Variants in OMA1 observed in about 807,000 individuals in gnomAD.
The protein encoded by OMA1 is OMA1 zinc metallopeptidase, also known as metalloendopeptidase OMA1, mitochondrial.
Under a neutral mutation model 30.9 loss-of-function variants are expected in OMA1, and 38 were observed. That is an observed-to-expected ratio of 1.23 (90% CI 0.95 to 1.61). OMA1 has a LOEUF of 1.61. Among genes scored for constraint, OMA1 ranks in the 40% most tolerant of loss-of-function variants. OMA1 has a pLI of 0.00. For synonymous variants in OMA1, 173 were observed against 121.9 expected, an observed-to-expected ratio of 1.42 and a Z score of -2.76; for missense variants, 461 against 349.2, an observed-to-expected ratio of 1.32 and a Z score of -2.55.
intron 7 of OMA1, among the ~76,000 whole-genome samples, chr1:58,507,715 G>A (rs1190826341): frequency 6.6e-6 from 1 of 152,026 alleles, no homozygotes; most frequent in African/African-American, 2.4e-5. Flanking sequence ...AAATATGTAT[G>A]TAACATATGT....
intron 7 of OMA1, among the ~76,000 whole-genome samples, chr1:58,507,397 T>A (rs552620095): frequency 6.6e-6 from 1 of 152,062 alleles, no homozygotes; most frequent in African/African-American, 2.4e-5. Context: ...TCAACAACCA[T>A]GCTACATCAT....
At chr1:58,537,445 A>T (rs1461668350) in intron 2 of OMA1, among the ~76,000 whole-genome samples, 1 of 152,204 alleles carries the variant, frequency 6.6e-6, no homozygotes, top group Non-Finnish European at 1.5e-5. Context: ...TTACAACGTG[A>T]AAAAGGAGAG....
intron 8 of OMA1, among the ~76,000 whole-genome samples, chr1:58,492,006 T>C (rs1275553307): frequency 3.9e-5 from 6 of 152,114 alleles, no homozygotes; most frequent in African/African-American, 7.2e-5. Flanking sequence ...ATTGACCACA[T>C]AGTTGGAAGT....
chr1:58,494,213 A>G (rs1178414459), intron 8 of OMA1, among the ~76,000 whole-genome samples: 4 of 152,240 alleles, frequency 2.6e-5, no homozygotes, highest in Non-Finnish European at 5.9e-5. Context: ...CTGGCTAGCC[A>G]TATGGAGAAA....
intron 7 of OMA1, among the ~76,000 whole-genome samples, chr1:58,511,043 A>G (rs139276088): frequency 0.01 from 1,593 of 152,300 alleles, 10 homozygotes; most frequent in Non-Finnish European, 0.017. Flanking sequence ...TAAAATATCC[A>G]TACCACCCAA....
chr1:58,486,444 A>G (rs758475961), intron 8 of OMA1, among the ~76,000 whole-genome samples: 26 of 152,158 alleles, frequency 1.7e-4, no homozygotes, highest in Admixed American at 5.2e-4. Flanking sequence ...AAATTTCTAT[A>G]AGGGAGTGGA....
At position 58,523,546 on chromosome 1, in the gene OMA1, G is replaced by C. The variant is rs372418763; in HGVS notation, c.1215+3715C>G. Among the ~76,000 whole-genome samples, 7 of 152,244 alleles carry C rather than the reference G, an allele frequency of 4.6e-5. No homozygotes were observed. In the East Asian group the frequency reaches 1.4e-3, roughly 29 times the overall value. ...TTGGGGGCAAGTAGACCATTTGGAC[G>C]CCTTCAGTGTTGAACTCATGGGGTT... On this transcript the variant is annotated intron_variant, in intron 7 of 8. Coordinates refer to ENST00000371226, the MANE Select transcript of OMA1 (RefSeq NM_145243.5).
chr1:58,532,122 T>C (rs183643699), intron 5 of OMA1, among the ~76,000 whole-genome samples: 2 of 152,294 alleles, frequency 1.3e-5, no homozygotes, highest in East Asian at 3.9e-4. Flanking sequence ...CTTAGAAAAC[T>C]GGAAATACAC....
At chr1:58,500,358 G>A (rs1475466914) in intron 8 of OMA1, among the ~76,000 whole-genome samples, 4 of 152,054 alleles carry the variant, frequency 2.6e-5, no homozygotes, top group Non-Finnish European at 5.9e-5. Context: ...GTGTACACTG[G>A]CCAACAACGA....
chr1:58,492,736 G>T (rs377015145), intron 8 of OMA1, among the ~76,000 whole-genome samples: 208 of 152,176 alleles, frequency 1.4e-3, no homozygotes, highest in African/African-American at 4.6e-3. Context: ...AATCTCTGAA[G>T]AGACCAATAA....
chr1:58,489,073 T>C (rs1419591366), intron 8 of OMA1, among the ~76,000 whole-genome samples: 1 of 152,158 alleles, frequency 6.6e-6, no homozygotes, highest in East Asian at 1.9e-4. Flanking sequence ...TGCATCTCAC[T>C]GGGGATTGTT....
At chr1:58,528,398 G>A (rs1646383810) in intron 6 of OMA1, among the ~76,000 whole-genome samples, 1 of 152,166 alleles carries the variant, frequency 6.6e-6, no homozygotes, top group Admixed American at 6.6e-5. Flanking sequence ...CTGCAGAGGG[G>A]ATTAAATGAA....
chr1:58,541,349 A>T (rs935818939), intron 1 of OMA1: 1 of 147,330 alleles, frequency 6.8e-6, no homozygotes, highest in Non-Finnish European at 1.5e-5. Context: ...AAAACACAAG[A>T]AAGTACATAC....
rs534639223 is a variant in OMA1, at chr1:58,537,532, G to A, written c.501-791C>T. On this transcript the variant is annotated intron_variant, in intron 2 of 8. Transcript: ENST00000371226. ...TCTGAGAAGGTCCAATTTCTACCAG[G>A]CAACAATACTCTCTGCCACTTAGCA... Among the ~76,000 whole-genome samples, 6 of 150,006 alleles carry A rather than the reference G, an allele frequency of 4.0e-5. No individual in the cohort carries two copies. The East Asian group carries it at 7.8e-4, about 20-fold the overall frequency.
intron 8 of OMA1, among the ~76,000 whole-genome samples, chr1:58,503,001 T>C (rs1645930332): frequency 6.6e-6 from 1 of 152,216 alleles, no homozygotes; most frequent in Non-Finnish European, 1.5e-5. Context: ...TTCTTCCTAC[T>C]CACTAATCAA....
At chr1:58,530,449 C>T (rs1034728974) in intron 6 of OMA1, 152 bp downstream of exon 6, 191 of 510,272 alleles carry the variant, frequency 3.7e-4, no homozygotes, top group East Asian at 1.3e-3. Flanking sequence ...ATAAGAATAT[C>T]CCCTAAAAAC....
At chr1:58,505,272 C>T (rs1299412953) in intron 8 of OMA1, among the ~76,000 whole-genome samples, 2 of 152,216 alleles carry the variant, frequency 1.3e-5, no homozygotes, top group Non-Finnish European at 2.9e-5. Flanking sequence ...ATCTGTTGTG[C>T]TATGCCTTAG....
chr1:58,494,122 C>A (rs1263284488), intron 8 of OMA1, among the ~76,000 whole-genome samples: 1 of 152,168 alleles, frequency 6.6e-6, no homozygotes, highest in African/African-American at 2.4e-5. Flanking sequence ...CACATGTCTA[C>A]AACTATCTGA....
Position 58,523,628 on chromosome 1 carries a change from A to G in OMA1, c.1215+3633T>C, listed in dbSNP as rs547689732. On this transcript the variant is annotated intron_variant, in intron 7 of 8. Coordinates refer to ENST00000371226, the MANE Select transcript of OMA1 (RefSeq NM_145243.5). Reference sequence around the variant, plus strand: ...AGAACTGGCAGTCCTGGCCGGGCGCAGTGGCTCACACCTGTAATCCCAGCA... The same window carrying G: ...AGAACTGGCAGTCCTGGCCGGGCGCGGTGGCTCACACCTGTAATCCCAGCA... Among the ~76,000 whole-genome samples, 590 of 152,276 alleles carry G rather than the reference A, an allele frequency of 3.9e-3. 2 individuals are homozygous for G. Among genetic ancestry groups the G allele is most frequent in the African/African-American group, 0.014 (569 of 41,556 alleles).
Sources: allele counts gnomAD v4.1 joint callset (sites outside exome capture counted in the v4.1 genomes callset), GRCh38; gene constraint gnomAD v4.1.1; transcripts MANE v1.5; gene names NCBI Gene and HGNC (gene_info 2026-07-23, HGNC 2026-07-21).